ANO3: variants seen among roughly 807,000 people sequenced by gnomAD.
ANO3 encodes the protein anoctamin-3.
In ANO3, 99 loss-of-function variants were observed where a neutral mutation model predicts 144.8. The observed-to-expected ratio is 0.68, with a 90% CI of 0.58 to 0.81. The LOEUF (loss-of-function observed/expected upper bound fraction) is 0.81. Ranked by LOEUF, ANO3 falls within the 30% of genes least tolerant of loss-of-function variation. The pLI, the probability that ANO3 is intolerant of heterozygous loss-of-function variation, is 0.00. For synonymous variants in ANO3, 414 were observed against 392.6 expected, an observed-to-expected ratio of 1.05 and a Z score of -0.64; for missense variants, 905 against 1,202.2, an observed-to-expected ratio of 0.75 and a Z score of 3.66.
chr11:26,583,871 G>A (rs1201478984), intron 14 of ANO3, among the ~76,000 whole-genome samples: 2 of 152,102 alleles, frequency 1.3e-5, no homozygotes, highest in African/African-American at 4.8e-5. Flanking sequence ...TGTTTCAACT[G>A]GGCCTTCTTT....
intron 26 of ANO3, 65 bp from the exon 27 acceptor site, chr11:26,660,197 G>A: frequency 7.0e-7 from 1 of 1,423,252 alleles, no homozygotes; most frequent in South Asian, 1.2e-5. Flanking sequence ...GTTCATTGTT[G>A]TACTGTTTTA....
In ANO3 at chr11:26,581,558, A is replaced by T. The variant is rs190009199; in HGVS notation, c.1448-16807A>T. Among the ~76,000 whole-genome samples, 448 of 151,926 alleles carry T rather than the reference A, an allele frequency of 2.9e-3. 5 individuals carry two copies. Among genetic ancestry groups the T allele is most frequent in the Middle Eastern group, 0.017 (5 of 292 alleles). Reference sequence around the variant, plus strand: ...ACAAAAATTAGCTGGGCATGGTGGCACGTGCCTGTAGTCCCAGCTATGTGG... The same window carrying T: ...ACAAAAATTAGCTGGGCATGGTGGCTCGTGCCTGTAGTCCCAGCTATGTGG... On this transcript the variant is annotated intron_variant, in intron 14 of 26. Coordinates refer to ENST00000256737, the MANE Select transcript of ANO3 (RefSeq NM_031418.4).
At chr11:26,424,935 C>T (rs145609290) in intron 1 of ANO3, among the ~76,000 whole-genome samples, 3,571 of 151,862 alleles carry the variant, frequency 0.024, 146 homozygotes, top group African/African-American at 0.081. Flanking sequence ...ATGTGCACAA[C>T]GTGCAGGTTT....
At chr11:26,573,574 T>G (rs1850908514) in intron 14 of ANO3, among the ~76,000 whole-genome samples, 1 of 152,182 alleles carries the variant, frequency 6.6e-6, no homozygotes, top group Non-Finnish European at 1.5e-5. Flanking sequence ...TGTGTGGGAA[T>G]ATCATTATCC....
At chr11:26,229,480 AT>A (rs1360227159) in intron 1 of ANO3, among the ~76,000 whole-genome samples, 1 of 152,224 alleles carries the variant, frequency 6.6e-6, no homozygotes, top group African/African-American at 2.4e-5. Flanking sequence ...AGGAAAATGG[AT>A]GTGATGGAAC....
chr11:26,296,131 G>T (rs1036763871), intron 1 of ANO3, among the ~76,000 whole-genome samples: 1 of 152,192 alleles, frequency 6.6e-6, no homozygotes, highest in Non-Finnish European at 1.5e-5. Context: ...GCAGTGGACA[G>T]TAAGGTTGCA....
chr11:26,451,122 G>A (rs1858915626), intron 3 of ANO3, among the ~76,000 whole-genome samples: 1 of 152,144 alleles, frequency 6.6e-6, no homozygotes, highest in Admixed American at 6.5e-5. Flanking sequence ...GGCCGAATAG[G>A]AACCACTCCG....
upstream of ANO3, among the ~76,000 whole-genome samples, chr11:26,330,164 G>A (rs1049059765): frequency 6.6e-6 from 1 of 152,092 alleles, no homozygotes; most frequent in African/African-American, 2.4e-5. Flanking sequence ...TAAATTCATT[G>A]TCTAATCCTC....
At chr11:26,382,278 G>C (rs1300460270) in intron 1 of ANO3, among the ~76,000 whole-genome samples, 2 of 152,156 alleles carry the variant, frequency 1.3e-5, no homozygotes, top group Non-Finnish European at 2.9e-5. Context: ...AACAACAGTA[G>C]TATCTATACA....
At chr11:26,249,036 G>T (rs527317950) in intron 1 of ANO3, among the ~76,000 whole-genome samples, 81 of 152,254 alleles carry the variant, frequency 5.3e-4, no homozygotes, top group Admixed American at 1.2e-3. Flanking sequence ...GTGTCAAAAA[G>T]GTTGGAGACT....
intron 1 of ANO3, among the ~76,000 whole-genome samples, chr11:26,408,867 T>C (rs1468023074): frequency 6.6e-6 from 1 of 150,918 alleles, no homozygotes; most frequent in African/African-American, 2.4e-5. Flanking sequence ...CAGCAAACTA[T>C]CGCAAGGACA....
At chr11:26,632,064 C>A (rs572952175) in intron 18 of ANO3, among the ~76,000 whole-genome samples, 2 of 151,778 alleles carry the variant, frequency 1.3e-5, no homozygotes, top group African/African-American at 2.4e-5. Context: ...TGGTGTCGGG[C>A]GCCTGTAATC....
chr11:26,293,300 G>T (rs1292379266), intron 1 of ANO3, among the ~76,000 whole-genome samples: 7 of 151,360 alleles, frequency 4.6e-5, no homozygotes, highest in African/African-American at 1.2e-4. Flanking sequence ...AAGAATTTTT[G>T]AAAAAATATA....
rs373106514 is a variant in ANO3 at position 26,339,248 on chromosome 11, G to A, written c.46+6927G>A. Among the ~76,000 whole-genome samples, 11 of 151,384 alleles carry A rather than the reference G, an allele frequency of 7.3e-5. No individual in the cohort carries two copies. In the East Asian group the frequency reaches 2.0e-3, roughly 27 times the overall value. On this transcript the variant is annotated intron_variant, in intron 1 of 26. Transcript: ENST00000256737. ...CGGCTCACTGAAACCTCTGCCTCCCGAGTTCAAGCTATTCTCCTGCCTCAG... is the reference window on the plus strand; with the variant it reads ...CGGCTCACTGAAACCTCTGCCTCCCAAGTTCAAGCTATTCTCCTGCCTCAG...
At position 26,501,853 on chromosome 11, in the gene ANO3, A is replaced by T. The variant is rs11029586; in HGVS notation, c.433-6251A>T. Among the ~76,000 whole-genome samples the T allele has an allele frequency of 1.6e-3, 245 of 152,304 alleles. 2 individuals are homozygous for T. Among genetic ancestry groups the T allele is most frequent in the African/African-American group, 5.8e-3 (240 of 41,572 alleles). On this transcript the variant is annotated intron_variant, in intron 4 of 26. Coordinates refer to ENST00000256737, the MANE Select transcript of ANO3 (RefSeq NM_031418.4). ...CAATGAGGAAAGAGTTCTTTTTACA[A>T]TAGGGTGCTGGAACAGTTGGATAAC...
intron 1 of ANO3, among the ~76,000 whole-genome samples, chr11:26,218,741 T>G (rs1160585797): frequency 1.3e-5 from 2 of 152,230 alleles, no homozygotes; most frequent in Non-Finnish European, 2.9e-5. Context: ...GTTTTTGGTT[T>G]GTTTTTTGTT....
chr11:26,640,215 CT>C (rs35893076), intron 21 of ANO3, among the ~76,000 whole-genome samples: 57,456 of 151,956 alleles, frequency 0.38, 11,728 homozygotes, highest in South Asian at 0.49. Flanking sequence ...TTAATATTTC[CT>C]TGACATCTCT....
chr11:26,259,558 G>A (rs1017419578), intron 1 of ANO3, among the ~76,000 whole-genome samples: 14 of 112,152 alleles, frequency 1.2e-4, no homozygotes, highest in Non-Finnish European at 2.4e-4. Flanking sequence ...TGAGGCAGGA[G>A]AATCGCTTGA....
At chr11:26,393,310 C>T (rs1856928321) in intron 1 of ANO3, among the ~76,000 whole-genome samples, 1 of 152,072 alleles carries the variant, frequency 6.6e-6, no homozygotes, top group Non-Finnish European at 1.5e-5. Flanking sequence ...TTCCTATGTA[C>T]CTTGTAATGC....
Sources: allele counts gnomAD v4.1 joint callset (sites outside exome capture counted in the v4.1 genomes callset), GRCh38; gene constraint gnomAD v4.1.1; transcripts MANE v1.5; gene names NCBI Gene and HGNC (gene_info 2026-07-23, HGNC 2026-07-21).